The following CNPY1 variants were observed in gnomAD, a reference collection of about 807,000 sequenced individuals.
CNPY1 encodes the protein canopy FGF signaling regulator 1.
CNPY1 carries 14 observed loss-of-function variants against 14.4 expected under a neutral mutation model. The observed-to-expected ratio is 0.97, with a 90% CI of 0.64 to 1.52. CNPY1 has a LOEUF of 1.52. CNPY1 is among the 40% of genes most tolerant of loss of function. The pLI, the probability that CNPY1 is intolerant of heterozygous loss-of-function variation, is 0.00. For synonymous variants in CNPY1, 43 were observed against 46.5 expected (o/e 0.92, Z 0.31); for missense variants, 129 against 131.5 (o/e 0.98, Z 0.09).
chr7:155,526,170 T>C (rs1299351385), intron 2 of CNPY1, among the ~76,000 whole-genome samples: 1 of 152,218 alleles, frequency 6.6e-6, no homozygotes, highest in Non-Finnish European at 1.5e-5. Context: ...ATATCTTATT[T>C]TTCCACAAAT....
chr7:155,502,961 A>T lies in CNPY1; in HGVS notation c.*107T>A, dbSNP rs999200040. ...AACGGAGACAAACACGGTATAAACAAGAGACAAAATTTTTCTTATCATGAA... is the reference window on the plus strand; with the variant it reads ...AACGGAGACAAACACGGTATAAACATGAGACAAAATTTTTCTTATCATGAA... On this transcript the variant is annotated 3_prime_UTR_variant, in exon 5 of 5. Coordinates refer to ENST00000636446, the MANE Select transcript of CNPY1 (RefSeq NM_001393663.1). 1.4e-5 allele frequency: 14 copies of T among 988,840 alleles called. No homozygotes were observed. The highest frequency in any genetic ancestry group is 2.0e-5 in the Non-Finnish European group (13 of 652,218). The allele number at this position is 988,840 out of a possible 1,614,324, so 61.3% of individuals were successfully genotyped here.
chr7:155,533,904 C>G (rs1294318834), intron 2 of CNPY1: 3 of 152,064 alleles, frequency 2.0e-5, no homozygotes, highest in Non-Finnish European at 4.4e-5. Flanking sequence ...TCCCCCACAT[C>G]CCCTCCTCCT....
At position 155,536,239 on chromosome 7, in the gene CNPY1, C is replaced by T. The variant is rs1044093738; in HGVS notation, c.99+9592G>A. On this transcript the variant is annotated intron_variant, in intron 2 of 4. Transcript: ENST00000636446. This position sits in a 1 kb window ranked among gnomAD's most constrained non-coding sequence, Gnocchi z 4.1. Reference sequence around the variant, plus strand: ...AGTGAAGTCCCCAGGGAAGGGGAGGCTGTGGATGACTGATCACCCACTGCA... The same window carrying T: ...AGTGAAGTCCCCAGGGAAGGGGAGGTTGTGGATGACTGATCACCCACTGCA... 7.2e-5 allele frequency among the ~76,000 whole-genome samples: 11 copies of T among 152,104 alleles called. No individual in the cohort carries two copies. The highest frequency in any genetic ancestry group is 2.7e-4 in the African/African-American group (11 of 41,414).
intron 2 of CNPY1, among the ~76,000 whole-genome samples, chr7:155,523,422 T>C (rs1046515173): frequency 6.6e-6 from 1 of 152,082 alleles, no homozygotes; most frequent in Non-Finnish European, 1.5e-5. Flanking sequence ...TCCCGTAACA[T>C]CTTCATTATT....
intron 2 of CNPY1, among the ~76,000 whole-genome samples, chr7:155,514,683 T>G (rs1041096104): frequency 6.6e-6 from 1 of 151,984 alleles, no homozygotes; most frequent in African/African-American, 2.4e-5. Context: ...TCACCTGAGG[T>G]TGGGAGTTCA....
chr7:155,507,585 CAATT>C (rs561761181), intron 3 of CNPY1, among the ~76,000 whole-genome samples: 42 of 137,830 alleles, frequency 3.0e-4, no homozygotes, highest in African/African-American at 8.2e-4. Flanking sequence ...AGTGTGAAAA[CAATT>C]AAGCCTTCTC....
At position 155,502,058 on chromosome 7, in the gene CNPY1, ATC is replaced by A. The variant is rs1156774034; in HGVS notation, c.*1008_*1009del. The A allele has an allele frequency of 6.6e-6, 1 of 152,182 alleles. No individual in the cohort carries two copies. 9.4% of individuals were successfully genotyped at this position (152,182 alleles called of 1,614,324 possible). A position where few individuals can be genotyped will look rare whatever the true frequency, so the allele number is the denominator to read the frequency against. The stretch of plus-strand genomic sequence containing the variant: ...TTGATTGTCACCAAAGACAATGAGA[ATC>A]TCTTTTTAGAAACTGGTGTAGACCA... On this transcript the variant is annotated 3_prime_UTR_variant, in exon 5 of 5. Coordinates refer to ENST00000636446, the MANE Select transcript of CNPY1 (RefSeq NM_001393663.1).
intron 2 of CNPY1, among the ~76,000 whole-genome samples, chr7:155,527,326 G>A (rs544898010): frequency 1.9e-4 from 29 of 151,788 alleles, no homozygotes; most frequent in African/African-American, 7.0e-4. Flanking sequence ...TGCTGGCAAG[G>A]GCAAGGCTCT....
chr7:155,515,974 T>C (rs913371872), intron 2 of CNPY1, among the ~76,000 whole-genome samples: 1 of 151,310 alleles, frequency 6.6e-6, no homozygotes, highest in Non-Finnish European at 1.5e-5. Flanking sequence ...ATTCCAGTTA[T>C]GTGTCTACAT....
intron 2 of CNPY1, among the ~76,000 whole-genome samples, chr7:155,541,608 G>A (rs528792098): frequency 5.3e-5 from 8 of 152,326 alleles, no homozygotes; most frequent in Admixed American, 1.3e-4. Context: ...GAGGCCAACC[G>A]GGCCTGGCTT....
intron 2 of CNPY1, among the ~76,000 whole-genome samples, chr7:155,517,920 C>T (rs56299321): frequency 0.26 from 40,028 of 152,146 alleles, 6,099 homozygotes; most frequent in Non-Finnish European, 0.33. Flanking sequence ...CCATCATTGT[C>T]TTAGATCTTA....
intron 4 of CNPY1, chr7:155,506,468 A>G (rs1796312073): frequency 6.5e-6 from 1 of 153,864 alleles, no homozygotes; most frequent in African/African-American, 2.4e-5. Context: ...ATTAACTATT[A>G]TTTTCCACCC....
At chr7:155,524,835 C>T (rs1315589426) in intron 2 of CNPY1, among the ~76,000 whole-genome samples, 1 of 122,726 alleles carries the variant, frequency 8.1e-6, no homozygotes, top group Non-Finnish European at 1.6e-5. Flanking sequence ...ATCCCTGGTG[C>T]CATAAATGTT....
At chr7:155,524,716 A>G (rs1028742110) in intron 2 of CNPY1, among the ~76,000 whole-genome samples, 1 of 152,226 alleles carries the variant, frequency 6.6e-6, no homozygotes, top group Non-Finnish European at 1.5e-5. Context: ...ATATATTACA[A>G]TGTAATAATA....
chr7:155,509,381 A>G (rs1480596972), intron 2 of CNPY1, among the ~76,000 whole-genome samples: 1 of 152,252 alleles, frequency 6.6e-6, no homozygotes. Flanking sequence ...ACCTCTACAT[A>G]GAATCATGTT....
In CNPY1 at chr7:155,515,305, C is replaced by CAA. The variant is rs1344040144; in HGVS notation, c.100-6209_100-6208insTT. On this transcript the variant is annotated intron_variant, in intron 2 of 4. Transcript: ENST00000636446. Reference sequence around the variant, plus strand: ...CTGGTCTCAAGGCCGCCCCCCCCCCCCCCGGCCCCGGCCAGGAACTCTTTC... The same window carrying CAA: ...CTGGTCTCAAGGCCGCCCCCCCCCCCAACCCGGCCCCGGCCAGGAACTCTTTC... 1.0e-4 allele frequency among the ~76,000 whole-genome samples: 15 copies of CAA among 143,324 alleles called. No individual in the cohort carries two copies. In the East Asian group the frequency reaches 2.6e-3, roughly 25 times the overall value. The allele number at this position is 143,324 out of a possible 152,430, so 94.0% of individuals were successfully genotyped here.
intron 2 of CNPY1, among the ~76,000 whole-genome samples, chr7:155,520,396 G>A (rs898018728): frequency 7.2e-6 from 1 of 138,832 alleles, no homozygotes; most frequent in South Asian, 2.4e-4. Context: ...GCCACCAGTT[G>A]TCTCTTTTTC....
intron 2 of CNPY1, among the ~76,000 whole-genome samples, chr7:155,534,460 C>T (rs1178143749): frequency 2.0e-5 from 3 of 152,256 alleles, no homozygotes; most frequent in Non-Finnish European, 4.4e-5. Flanking sequence ...CAGACACACA[C>T]ACACTCGATG....
At chr7:155,523,378 C>T (rs1044591142) in intron 2 of CNPY1, among the ~76,000 whole-genome samples, 2 of 152,088 alleles carry the variant, frequency 1.3e-5, no homozygotes, top group Non-Finnish European at 1.5e-5. Flanking sequence ...TGGTGTTTCA[C>T]GAGGGGCTGC....
Sources: allele counts gnomAD v4.1 joint callset (sites outside exome capture counted in the v4.1 genomes callset), GRCh38; gene constraint gnomAD v4.1.1; non-coding constraint Gnocchi (gnomAD v3.1); transcripts MANE v1.5; gene names NCBI Gene and HGNC (gene_info 2026-07-23, HGNC 2026-07-21).